Variants in ARK2C observed in about 807,000 individuals in gnomAD.
ARK2C encodes arkadia (RNF111) C-terminal like ring finger ubiquitin ligase 2C, also known as E3 ubiquitin-protein ligase ARK2C.
chr18:46,417,919 G>A, the ARK2C span, among the ~76,000 whole-genome samples: 685 of 152,090 alleles, frequency 4.5e-3, 2 homozygotes, highest in African/African-American at 0.016. Flanking sequence ...TGGGAGAATC[G>A]CTTGAACCTG....
chr18:46,374,326 C>A, the ARK2C span, among the ~76,000 whole-genome samples: 1 of 152,208 alleles, frequency 6.6e-6, no homozygotes, highest in Non-Finnish European at 1.5e-5. Flanking sequence ...TAGCAGCATT[C>A]ACATCGCTGT....
At chr18:46,411,965 C>T in the ARK2C span, among the ~76,000 whole-genome samples, 1 of 152,326 alleles carries the variant, frequency 6.6e-6, no homozygotes, top group Admixed American at 6.5e-5. Flanking sequence ...TGCCAGGCTC[C>T]CTGGGCTAAA....
chr18:46,432,940 G>A, the ARK2C span, among the ~76,000 whole-genome samples: 28 of 151,944 alleles, frequency 1.8e-4, no homozygotes, highest in Admixed American at 4.6e-4. Context: ...GCGAGACTCC[G>A]TCTCAAAAAA....
At chr18:46,336,334 C>T in the ARK2C span, 2 of 985,076 alleles carry the variant, frequency 2.0e-6, no homozygotes, top group African/African-American at 3.5e-5. Context: ...AATTGCTCAG[C>T]TGCCTTTAAA....
At chr18:46,372,640 T>TG in the ARK2C span, among the ~76,000 whole-genome samples, 42 of 151,968 alleles carry the variant, frequency 2.8e-4, no homozygotes, top group Admixed American at 2.8e-3. Flanking sequence ...CCTAAGGGGT[T>TG]GGGGGTCTCC....
At chr18:46,390,214 T>C in the ARK2C span, among the ~76,000 whole-genome samples, 4 of 152,218 alleles carry the variant, frequency 2.6e-5, no homozygotes, top group Non-Finnish European at 5.9e-5. Context: ...GCTGGGACTC[T>C]CACCTAGGAT....
At chr18:46,379,545 C>T in the ARK2C span, among the ~76,000 whole-genome samples, 2 of 152,156 alleles carry the variant, frequency 1.3e-5, no homozygotes, top group Non-Finnish European at 2.9e-5. Context: ...CCAACAGCAC[C>T]GCCCTCATTT....
the ARK2C span, chr18:46,336,299 T>A: frequency 3.0e-6 from 3 of 985,398 alleles, no homozygotes; most frequent in Non-Finnish European, 3.6e-6. Context: ...CATTGCAGGA[T>A]GCTGATTCCA....
chr18:46,387,832 G>A, the ARK2C span, among the ~76,000 whole-genome samples: 1 of 152,240 alleles, frequency 6.6e-6, no homozygotes, highest in Non-Finnish European at 1.5e-5. Context: ...GCTGACCTTA[G>A]GGGTTATTTA....
the ARK2C span, chr18:46,337,036 G>C: frequency 4.1e-6 from 4 of 985,228 alleles, no homozygotes; most frequent in Non-Finnish European, 4.8e-6. Flanking sequence ...CATCCGCCCT[G>C]GCCCTCAGAG....
the ARK2C span, among the ~76,000 whole-genome samples, chr18:46,367,731 C>A: frequency 1.3e-5 from 2 of 152,194 alleles, no homozygotes; most frequent in African/African-American, 4.8e-5. Context: ...TGACTTTGTG[C>A]TTTAGTCAAG....
the ARK2C span, among the ~76,000 whole-genome samples, chr18:46,406,114 T>C: frequency 6.6e-6 from 1 of 151,710 alleles, no homozygotes; most frequent in Non-Finnish European, 1.5e-5. Context: ...ACTCCTACAC[T>C]CCCCTCATAG....
the ARK2C span, among the ~76,000 whole-genome samples, chr18:46,430,066 T>C: frequency 6.6e-6 from 1 of 152,234 alleles, no homozygotes; most frequent in Admixed American, 6.5e-5. Context: ...TGGGAAGCTT[T>C]CCACCTCTGT....
chr18:46,353,849 G>A, the ARK2C span, among the ~76,000 whole-genome samples: 3 of 152,178 alleles, frequency 2.0e-5, no homozygotes, highest in African/African-American at 7.2e-5. Flanking sequence ...ATGGAGTAGC[G>A]GGGCCTTGTG....
the ARK2C span, among the ~76,000 whole-genome samples, chr18:46,406,652 T>G: frequency 6.6e-6 from 1 of 152,228 alleles, no homozygotes; most frequent in Non-Finnish European, 1.5e-5. Flanking sequence ...GCCCTCAGTG[T>G]GCCCTGGCTG....
chr18:46,415,505 G>A, the ARK2C span, among the ~76,000 whole-genome samples: 13 of 151,714 alleles, frequency 8.6e-5, no homozygotes, highest in South Asian at 1.9e-3. Context: ...CAGCCTGGGC[G>A]ACAGAACAAG....
chr18:46,368,358 C>A, the ARK2C span, among the ~76,000 whole-genome samples: 1 of 152,130 alleles, frequency 6.6e-6, no homozygotes, highest in African/African-American at 2.4e-5. Flanking sequence ...TGCCTCCACC[C>A]CCTGCTCATA....
At chr18:46,452,125 C>A in the ARK2C span, among the ~76,000 whole-genome samples, 30 of 152,262 alleles carry the variant, frequency 2.0e-4, no homozygotes, top group African/African-American at 7.2e-4. Context: ...CAACACAGAG[C>A]AAACCCTAAT....
At chr18:46,408,976 TG>T in the ARK2C span, among the ~76,000 whole-genome samples, 5 of 152,214 alleles carry the variant, frequency 3.3e-5, no homozygotes, top group Non-Finnish European at 7.3e-5. Flanking sequence ...ATTTAAAGTT[TG>T]TCCTTGGGAA....
Sources: allele counts gnomAD v4.1 joint callset (sites outside exome capture counted in the v4.1 genomes callset), GRCh38; gene constraint gnomAD v4.1.1; transcripts MANE v1.5; gene names NCBI Gene and HGNC (gene_info 2026-07-23, HGNC 2026-07-21).